The following PIBF1 variants were observed in gnomAD, a reference collection of about 807,000 sequenced individuals.
PIBF1 encodes progesterone immunomodulatory binding factor 1.
PIBF1 carries 90 observed loss-of-function variants against 112.5 expected under a neutral mutation model. The ratio of observed to expected loss-of-function variants is 0.80; its 90% confidence interval spans 0.67 to 0.95. The LOEUF (loss-of-function observed/expected upper bound fraction) is 0.95, where lower values mean the gene tolerates loss of function less well. Ranked by LOEUF, PIBF1 falls within the 40% of genes least tolerant of loss-of-function variation. The pLI, the probability that PIBF1 is intolerant of heterozygous loss-of-function variation, is 0.00. For synonymous variants in PIBF1, 301 were observed against 288.6 expected (o/e 1.04, Z -0.44); for missense variants, 915 against 852.3 (o/e 1.07, Z -0.92).
At chr13:72,959,332 T>C (rs1048155948) in intron 14 of PIBF1, among the ~76,000 whole-genome samples, 1 of 152,082 alleles carries the variant, frequency 6.6e-6, no homozygotes, top group Admixed American at 6.6e-5. Flanking sequence ...TCCCCAGCAA[T>C]TGAGAACATA....
At chr13:72,902,930 CTG>C (rs977013686) in intron 11 of PIBF1, among the ~76,000 whole-genome samples, 1 of 150,676 alleles carries the variant, frequency 6.6e-6, no homozygotes, top group Non-Finnish European at 1.5e-5. Flanking sequence ...CAGTCTCACT[CTG>C]TCTCCCAGGC....
chr13:72,986,816 G>A (rs2043304542), intron 16 of PIBF1, among the ~76,000 whole-genome samples: 1 of 150,732 alleles, frequency 6.6e-6, no homozygotes, highest in African/African-American at 2.4e-5. Flanking sequence ...TCAGCCTCCC[G>A]AGTAGCTGGG....
chr13:72,788,586 A>G (rs2034724624), intron 2 of PIBF1, among the ~76,000 whole-genome samples: 1 of 152,212 alleles, frequency 6.6e-6, no homozygotes, highest in African/African-American at 2.4e-5. Flanking sequence ...AGGTGGTAAT[A>G]AGGAGAAGGA....
chr13:72,812,743 C>T (rs1361726498), intron 5 of PIBF1, among the ~76,000 whole-genome samples: 1 of 151,710 alleles, frequency 6.6e-6, no homozygotes, highest in Admixed American at 6.6e-5. Flanking sequence ...AAGATTGTGT[C>T]CAGCCTGGAA....
intron 10 of PIBF1, among the ~76,000 whole-genome samples, chr13:72,865,254 T>C (rs1332621673): frequency 6.6e-6 from 1 of 152,182 alleles, no homozygotes. Flanking sequence ...TCTATACGTA[T>C]TAGCTATTTT....
intron 12 of PIBF1, among the ~76,000 whole-genome samples, chr13:72,910,060 G>C (rs2040843782): frequency 6.6e-6 from 1 of 152,084 alleles, no homozygotes; most frequent in South Asian, 2.1e-4. Flanking sequence ...TTTGAATCTA[G>C]GTAGGGTTCT....
chr13:72,863,553 G>A (rs1293185329), intron 10 of PIBF1, among the ~76,000 whole-genome samples: 1 of 151,536 alleles, frequency 6.6e-6, no homozygotes, highest in Non-Finnish European at 1.5e-5. Flanking sequence ...AGCTGCTGAG[G>A]AGGCTGAGGC....
chr13:72,908,449 A>G (rs1021031390), intron 11 of PIBF1, 82 bp from the exon 12 acceptor site: 35 of 757,992 alleles, frequency 4.6e-5, no homozygotes, highest in African/African-American at 1.1e-4. Flanking sequence ...AAAAAGCCCT[A>G]TGAATGTCTT....
intron 10 of PIBF1, among the ~76,000 whole-genome samples, chr13:72,888,915 C>G (rs1040243015): frequency 2.0e-5 from 3 of 151,954 alleles, no homozygotes; most frequent in African/African-American, 7.3e-5. Context: ...TGATAGAGGT[C>G]TGGGCTGGGT....
intron 9 of PIBF1, among the ~76,000 whole-genome samples, chr13:72,850,870 T>A (rs2038115296): frequency 6.6e-6 from 1 of 152,220 alleles, no homozygotes; most frequent in Admixed American, 6.5e-5. Flanking sequence ...TAATATGCCA[T>A]TTTTTGATAG....
intron 8 of PIBF1, among the ~76,000 whole-genome samples, chr13:72,832,602 T>C (rs1779176936): frequency 2.6e-5 from 4 of 152,174 alleles, no homozygotes; most frequent in Non-Finnish European, 5.9e-5. Context: ...CCCCCACTCT[T>C]TCTGCCTTGT....
At chr13:72,834,412 G>A (rs541685308) in intron 8 of PIBF1, among the ~76,000 whole-genome samples, 88 of 152,162 alleles carry the variant, frequency 5.8e-4, no homozygotes, top group African/African-American at 2.0e-3. Flanking sequence ...ATTGCTTGAG[G>A]CCAGAAGTTT....
chr13:72,869,211 C>G (rs1316146013), intron 10 of PIBF1, among the ~76,000 whole-genome samples: 4 of 152,130 alleles, frequency 2.6e-5, no homozygotes, highest in Non-Finnish European at 4.4e-5. Flanking sequence ...GACTTGGAAC[C>G]AACCCAAATG....
intron 5 of PIBF1, among the ~76,000 whole-genome samples, chr13:72,810,031 A>G (rs1200976971): frequency 2.6e-5 from 4 of 152,222 alleles, no homozygotes; most frequent in Non-Finnish European, 4.4e-5. Flanking sequence ...AACACTGGAA[A>G]ATAGGGCTCA....
chr13:72,935,118 T>C (rs2041829411), intron 14 of PIBF1, among the ~76,000 whole-genome samples: 1 of 152,148 alleles, frequency 6.6e-6, no homozygotes, highest in Non-Finnish European at 1.5e-5. Flanking sequence ...CCCAAGTAGC[T>C]GGGACTACAG....
Position 72,955,178 on chromosome 13 carries a change from A to G in PIBF1, c.1834-10096A>G, listed in dbSNP as rs1055667170. ...TCCATATGAATGGCTGATTCATTAC[A>G]TGGACAAAACATTTCACTTTCATTG... On this transcript the variant is annotated intron_variant, in intron 14 of 17. Coordinates refer to ENST00000326291, the MANE Select transcript of PIBF1 (RefSeq NM_006346.4). Among the ~76,000 whole-genome samples, 5 of 152,236 alleles carry G rather than the reference A, an allele frequency of 3.3e-5. No homozygotes were observed. The East Asian group carries it at 7.7e-4, about 23-fold the overall frequency.
At position 72,973,594 on chromosome 13, in the gene PIBF1, C is replaced by T. The variant is rs774944504; in HGVS notation, c.1968C>T (p.Asn656=). The change falls in exon 16 of 18, where the codon AAC becomes AAT. Residue 656 remains asparagine, a synonymous_variant. Transcript: ENST00000326291. ...SIAQLEKDVS[N]LNKEKSALLQ... is the part of the protein sequence containing the mutation. ...AAACTGGGGTTTTTTTTTTCAGCAA[C>T]TTAAATAAAGAAAAGTCAGCTTTAC... The T allele has an allele frequency of 5.3e-6, 8 of 1,519,654 alleles. No homozygotes were observed. The Admixed American group carries it at 1.7e-4, about 33-fold the overall frequency. 94.1% of individuals were successfully genotyped at this position (1,519,654 alleles called of 1,614,324 possible). A position where few individuals can be genotyped will look rare whatever the true frequency, so the allele number is the denominator to read the frequency against.
Position 72,918,383 on chromosome 13 carries a change from A to AT in PIBF1, c.1730+1238dup, listed in dbSNP as rs60024983. 5.5e-3 allele frequency among the ~76,000 whole-genome samples: 571 copies of AT among 102,944 alleles called. 15 individuals carry two copies. The highest frequency in any genetic ancestry group is 0.041 in the East Asian group (148 of 3,630). 67.5% of individuals were successfully genotyped at this position (102,944 alleles called of 152,430 possible). On this transcript the variant is annotated intron_variant, in intron 13 of 17. Coordinates refer to ENST00000326291, the MANE Select transcript of PIBF1 (RefSeq NM_006346.4). ...AGTTCTTCGAGGTCAGCAACTACCT[A>AT]TTTTTTTTTTTTTTTTTTTTTGAGA... is the stretch of plus-strand genomic sequence containing the variant.
chr13:72,902,002 G>A (rs941540223), intron 11 of PIBF1, among the ~76,000 whole-genome samples: 2 of 115,678 alleles, frequency 1.7e-5, no homozygotes, highest in African/African-American at 6.0e-5. Flanking sequence ...TAGTGTGTAT[G>A]TATATGTGTG....
Sources: gnomAD v4.1 joint callset for allele counts (sites outside exome capture counted in the v4.1 genomes callset) on GRCh38, gnomAD v4.1.1 for gene constraint, MANE v1.5 for transcripts, NCBI Gene and HGNC (gene_info 2026-07-23, HGNC 2026-07-21) for gene names.